MYRIP: variants seen among roughly 807,000 people sequenced by gnomAD.
MYRIP encodes rab effector MyRIP.
A neutral mutation model predicts 98.0 loss-of-function variants in MYRIP; 49 were observed. The observed-to-expected ratio is 0.50, with a 90% confidence interval of 0.40 to 0.63. MYRIP has a LOEUF of 0.63. Ranked by LOEUF, MYRIP falls within the 30% of genes least tolerant of loss-of-function variation. The pLI, the probability that MYRIP is intolerant of heterozygous loss-of-function variation, is 0.00. For synonymous variants in MYRIP, 404 were observed against 409.5 expected, an observed-to-expected ratio of 0.99 and a Z score of 0.16; for missense variants, 1,004 against 1,058.2, an observed-to-expected ratio of 0.95 and a Z score of 0.71.
At chr3:39,984,317 C>T (rs1945974506) in intron 2 of MYRIP, among the ~76,000 whole-genome samples, 1 of 151,996 alleles carries the variant, frequency 6.6e-6, no homozygotes, top group South Asian at 2.1e-4. Context: ...TGCTGGTGCG[C>T]TGCACCCACT....
At chr3:40,049,842 T>A (rs1947753302) in intron 3 of MYRIP, among the ~76,000 whole-genome samples, 1 of 152,166 alleles carries the variant, frequency 6.6e-6, no homozygotes, top group Admixed American at 6.6e-5. Context: ...TGGAATAGCC[T>A]TATTGCTGAT....
chr3:40,218,344 A>G (rs955072563), intron 11 of MYRIP, among the ~76,000 whole-genome samples: 4 of 151,950 alleles, frequency 2.6e-5, no homozygotes, highest in African/African-American at 9.7e-5. Flanking sequence ...CTTACATGAC[A>G]TTCTGGAGAA....
At chr3:39,862,072 A>C (rs1175409302) in intron 1 of MYRIP, among the ~76,000 whole-genome samples, 1 of 152,198 alleles carries the variant, frequency 6.6e-6, no homozygotes, top group Non-Finnish European at 1.5e-5. Flanking sequence ...GAAAGAAAAA[A>C]TATTAAAGCC....
chr3:39,817,258 CTG>C, intron 1 of MYRIP, among the ~76,000 whole-genome samples: 1 of 152,314 alleles, frequency 6.6e-6, no homozygotes, highest in Non-Finnish European at 1.5e-5. Flanking sequence ...GAGACAGTAT[CTG>C]CATGCTCCAG....
intron 3 of MYRIP, among the ~76,000 whole-genome samples, chr3:40,089,183 A>T (rs2125880742): frequency 6.6e-6 from 1 of 152,234 alleles, no homozygotes; most frequent in South Asian, 2.1e-4. Flanking sequence ...ATGACAGGAG[A>T]CACTAGGTGA....
At chr3:40,240,615 G>A (rs1210960681) in intron 12 of MYRIP, among the ~76,000 whole-genome samples, 1 of 152,168 alleles carries the variant, frequency 6.6e-6, no homozygotes, top group Non-Finnish European at 1.5e-5. Flanking sequence ...GGGTATTTGA[G>A]AATTATCTTG....
At chr3:39,844,010 C>G (rs1299342416) in intron 1 of MYRIP, among the ~76,000 whole-genome samples, 2 of 152,178 alleles carry the variant, frequency 1.3e-5, no homozygotes, top group Non-Finnish European at 2.9e-5. Context: ...GCTGAGAGAC[C>G]TCCACAGATG....
intron 1 of MYRIP, among the ~76,000 whole-genome samples, chr3:39,867,976 C>T (rs1942673776): frequency 6.6e-6 from 1 of 152,118 alleles, no homozygotes; most frequent in Admixed American, 6.5e-5. Context: ...AATATTCAGT[C>T]ATAAAAATGA....
intron 3 of MYRIP, among the ~76,000 whole-genome samples, chr3:40,084,023 G>T (rs1414531438): frequency 6.7e-6 from 1 of 150,282 alleles, no homozygotes; most frequent in Non-Finnish European, 1.5e-5. Context: ...TGTAGTCCCA[G>T]CTACTCAGGA....
chr3:40,015,222 A>G (rs1234501276), intron 2 of MYRIP, among the ~76,000 whole-genome samples: 5 of 152,148 alleles, frequency 3.3e-5, no homozygotes, highest in African/African-American at 1.2e-4. Context: ...GGCTTATGTG[A>G]TTACATCTGG....
rs76110961 is a variant in MYRIP at position 40,230,672 on chromosome 3, A to G, written c.1906-3187A>G. On this transcript the variant is annotated intron_variant, in intron 11 of 16. Coordinates refer to ENST00000302541, the MANE Select transcript of MYRIP (RefSeq NM_015460.4). Reference sequence around the variant, plus strand: ...AGGTGCAAGCAAACAGCCCATTCCTAAGGAACAGACAAGAAACACTTGATT... The same window carrying G: ...AGGTGCAAGCAAACAGCCCATTCCTGAGGAACAGACAAGAAACACTTGATT... Among the ~76,000 whole-genome samples the G allele has an allele frequency of 8.8e-4, 134 of 152,304 alleles. 1 individual carries two copies. The highest frequency in any genetic ancestry group is 3.0e-3 in the African/African-American group (123 of 41,568).
intron 1 of MYRIP, among the ~76,000 whole-genome samples, chr3:39,820,775 A>C (rs1163267043): frequency 1.3e-5 from 2 of 152,206 alleles, no homozygotes; most frequent in Admixed American, 1.3e-4. Context: ...TGTGGTCCAG[A>C]GGATGTCAGG....
At chr3:40,081,388 T>C (rs1304163324) in intron 3 of MYRIP, among the ~76,000 whole-genome samples, 1 of 152,246 alleles carries the variant, frequency 6.6e-6, no homozygotes, top group Admixed American at 6.5e-5. Context: ...TGTCTGTTTA[T>C]GCTTTATGCA....
chr3:40,073,076 A>AACT (rs1477862918), intron 3 of MYRIP, among the ~76,000 whole-genome samples: 2 of 152,196 alleles, frequency 1.3e-5, no homozygotes, highest in African/African-American at 4.8e-5. Flanking sequence ...GAGAAATTAG[A>AACT]ACTTTTTACT....
At chr3:40,226,406 T>A (rs1026023546) in intron 11 of MYRIP, among the ~76,000 whole-genome samples, 5 of 152,122 alleles carry the variant, frequency 3.3e-5, no homozygotes, top group Non-Finnish European at 7.4e-5. Flanking sequence ...ATATTGCACC[T>A]TATATGCTTT....
At chr3:40,212,849 T>G (rs913829665) in intron 11 of MYRIP, among the ~76,000 whole-genome samples, 1 of 151,880 alleles carries the variant, frequency 6.6e-6, no homozygotes, top group African/African-American at 2.4e-5. Context: ...ACCCAGGAGG[T>G]TGAGGCTGCA....
At chr3:40,102,583 T>C (rs528060155) in intron 3 of MYRIP, among the ~76,000 whole-genome samples, 2 of 152,294 alleles carry the variant, frequency 1.3e-5, no homozygotes, top group East Asian at 3.9e-4. Context: ...GCCCAGTCCT[T>C]GACTCCTGGT....
At chr3:40,199,496 T>C (rs1233709349) in intron 10 of MYRIP, among the ~76,000 whole-genome samples, 1 of 152,162 alleles carries the variant, frequency 6.6e-6, no homozygotes, top group Non-Finnish European at 1.5e-5. Flanking sequence ...TGACAAGTGC[T>C]TGTGAGGCAT....
chr3:40,043,710 G>A (rs900094855), intron 2 of MYRIP, among the ~76,000 whole-genome samples: 1 of 152,070 alleles, frequency 6.6e-6, no homozygotes, highest in Non-Finnish European at 1.5e-5. Flanking sequence ...CCTTTAAAAA[G>A]GCATTAATTA....
Sources: gnomAD v4.1 joint callset for allele counts (sites outside exome capture counted in the v4.1 genomes callset) on GRCh38, gnomAD v4.1.1 for gene constraint, MANE v1.5 for transcripts, NCBI Gene and HGNC (gene_info 2026-07-23, HGNC 2026-07-21) for gene names.